Variants in AK3 observed in about 807,000 individuals in gnomAD.
AK3 encodes adenylate kinase 3.
Under a neutral mutation model 23.7 loss-of-function variants are expected in AK3, and 27 were observed. That is an observed-to-expected ratio of 1.14 (90% CI 0.84 to 1.57). The LOEUF (loss-of-function observed/expected upper bound fraction) is 1.57. Ranked by LOEUF, AK3 falls within the 40% of genes most tolerant of loss-of-function variation. The pLI, the probability that AK3 is intolerant of heterozygous loss-of-function variation, is 0.00. For missense variants in AK3, 406 were observed against 285.6 expected (o/e 1.42, Z -3.04); for synonymous variants, 159 against 116.0 (o/e 1.37, Z -2.38).
At chr9:4,741,280 C>G, upstream of AK3, 1 of 509,268 alleles carries the variant, frequency 2.0e-6, no homozygotes, top group East Asian at 3.7e-5. Context: ...GCTGTTGCGT[C>G]CGCCTCTCGG....
chr9:4,717,394 A>C (rs888890710), intron 4 of AK3, among the ~76,000 whole-genome samples: 2 of 152,208 alleles, frequency 1.3e-5, no homozygotes, highest in African/African-American at 4.8e-5. Context: ...GAGCAGACAA[A>C]ACAATGTTAA....
chr9:4,724,338 C>G (rs1250410896), intron 1 of AK3, among the ~76,000 whole-genome samples: 1 of 152,134 alleles, frequency 6.6e-6, no homozygotes, highest in Non-Finnish European at 1.5e-5. Flanking sequence ...CCTCACCTCT[C>G]ACTCTTCAGG....
intron 1 of AK3, among the ~76,000 whole-genome samples, chr9:4,729,015 A>ATATATATATTTTTTTT (rs71326127): frequency 7.7e-6 from 1 of 129,450 alleles, no homozygotes; most frequent in Admixed American, 8.0e-5. Context: ...ATATATATAT[A>ATATATATATTTTTTTT]TTTTTTTTTT....
At chr9:4,713,963 C>CACGCCTACACATAT (rs1563780906) in intron 4 of AK3, among the ~76,000 whole-genome samples, 114 of 129,148 alleles carry the variant, frequency 8.8e-4, no homozygotes, top group Middle Eastern at 8.1e-3. Context: ...TACACATATA[C>CACGCCTACACATAT]ACACCTCCAC....
chr9:4,727,730 A>T (rs1842051271), intron 1 of AK3, among the ~76,000 whole-genome samples: 1 of 152,182 alleles, frequency 6.6e-6, no homozygotes, highest in Admixed American at 6.5e-5. Context: ...CAACTTGGCT[A>T]ACTGGTGCAA....
upstream of AK3, chr9:4,741,331 C>T (rs867718394): frequency 5.6e-6 from 2 of 356,232 alleles, no homozygotes; most frequent in Admixed American, 5.7e-5. Flanking sequence ...AGCGCCTGTT[C>T]CCGCCCAGCC....
chr9:4,720,517 C>G (rs1339086859), intron 2 of AK3, among the ~76,000 whole-genome samples: 1 of 152,016 alleles, frequency 6.6e-6, no homozygotes, highest in African/African-American at 2.4e-5. Flanking sequence ...GACCCCTTCT[C>G]TATAAATAAC....
intron 1 of AK3, among the ~76,000 whole-genome samples, chr9:4,733,196 C>A (rs1441595757): frequency 2.0e-5 from 3 of 152,062 alleles, no homozygotes; most frequent in South Asian, 2.1e-4. Flanking sequence ...GAGAATTAAC[C>A]TAGCTCCTGC....
At chr9:4,721,954 C>T (rs920251576) in intron 2 of AK3, among the ~76,000 whole-genome samples, 2 of 152,170 alleles carry the variant, frequency 1.3e-5, no homozygotes, top group East Asian at 1.9e-4. Context: ...TGCCTGTGTG[C>T]GAAGGTGGGT....
rs760626418 is a variant in AK3 at position 4,741,037 on chromosome 9, G to A, written c.51C>T (p.Gly17=). The A allele has an allele frequency of 4.4e-6, 7 of 1,578,196 alleles. No homozygotes were observed. In the African/African-American group the frequency reaches 9.7e-5, roughly 22 times the overall value. The change falls in exon 1 of 5, where the codon GGC becomes GGT. Residue 17 remains glycine, a synonymous_variant. Transcript: ENST00000381809. ...LLRAVIMGAP[G]SGKGTVSSRI... is the part of the protein sequence containing the mutation. ...GCGACGACACGGTGCCCTTGCCCGA[G>A]CCCGGGGCCCCCATGATCACCGCTC...
chr9:4,739,856 A>G (rs1420499649), intron 1 of AK3, among the ~76,000 whole-genome samples: 2 of 152,088 alleles, frequency 1.3e-5, no homozygotes, highest in South Asian at 2.1e-4. Context: ...GCTTGAACCC[A>G]GGAGGCAGAC....
At chr9:4,725,021 CT>C (rs71497550) in intron 1 of AK3, among the ~76,000 whole-genome samples, 2,389 of 67,456 alleles carry the variant, frequency 0.035, 24 homozygotes, top group Middle Eastern at 0.098. Context: ...CTACTAAACT[CT>C]TTTTTTTTTT....
chr9:4,739,113 C>T (rs1391494734), intron 1 of AK3, among the ~76,000 whole-genome samples: 1 of 152,006 alleles, frequency 6.6e-6, no homozygotes, highest in Non-Finnish European at 1.5e-5. Flanking sequence ...CAACCAGTAG[C>T]AGTATCTGGG....
intron 1 of AK3, among the ~76,000 whole-genome samples, chr9:4,723,848 A>G (rs1032687332): frequency 6.6e-6 from 1 of 151,776 alleles, no homozygotes; most frequent in Non-Finnish European, 1.5e-5. Flanking sequence ...CTTTTATTTT[A>G]CTCCTCTTTG....
chr9:4,720,627 C>T (rs1421430790), intron 2 of AK3, among the ~76,000 whole-genome samples: 1 of 149,184 alleles, frequency 6.7e-6, no homozygotes, highest in Non-Finnish European at 1.5e-5. Flanking sequence ...GAGGTCAAGG[C>T]TGCAATAAGC....
intron 1 of AK3, among the ~76,000 whole-genome samples, chr9:4,737,377 G>A (rs1457880010): frequency 2.6e-5 from 4 of 152,232 alleles, no homozygotes; most frequent in South Asian, 4.1e-4. Flanking sequence ...TTAACATGGA[G>A]AAATCTATGT....
chr9:4,738,584 C>G (rs1364032420), intron 1 of AK3, among the ~76,000 whole-genome samples: 1 of 147,570 alleles, frequency 6.8e-6, no homozygotes, highest in Non-Finnish European at 1.5e-5. Context: ...TTTGCAAATA[C>G]AAATGCAACA....
intron 1 of AK3, among the ~76,000 whole-genome samples, chr9:4,735,593 T>G (rs1842273116): frequency 6.8e-6 from 1 of 147,354 alleles, no homozygotes; most frequent in Non-Finnish European, 1.5e-5. Context: ...TTCTCCTGCC[T>G]CAGCTTCCCA....
intron 1 of AK3, among the ~76,000 whole-genome samples, chr9:4,738,103 A>T (rs1241586982): frequency 2.0e-5 from 3 of 152,244 alleles, no homozygotes; most frequent in African/African-American, 7.2e-5. Flanking sequence ...ATTACAACAA[A>T]CAATAGTTAA....
Sources: gnomAD v4.1 joint callset for allele counts (sites outside exome capture counted in the v4.1 genomes callset) on GRCh38, gnomAD v4.1.1 for gene constraint, MANE v1.5 for transcripts, NCBI Gene and HGNC (gene_info 2026-07-23, HGNC 2026-07-21) for gene names.